The following SBNO1 variants were observed in gnomAD, a reference collection of about 807,000 sequenced individuals.
The protein encoded by SBNO1 is protein strawberry notch homolog 1.
A neutral mutation model predicts 173.6 loss-of-function variants in SBNO1; 23 were observed. That is an observed-to-expected ratio of 0.13 (90% CI 0.10 to 0.19). The LOEUF is 0.19. SBNO1 is among the 10% of genes least tolerant of loss of function. SBNO1 has a pLI of 1.00. For missense variants in SBNO1, 1,238 were observed against 1,671.2 expected (o/e 0.74, Z 4.52); for synonymous variants, 632 against 571.5 (o/e 1.11, Z -1.51).
intron 25 of SBNO1, 105 bp from the exon 26 acceptor site, chr12:123,309,961 C>T (rs1417480696): frequency 1.2e-6 from 1 of 865,308 alleles, no homozygotes; most frequent in Non-Finnish European, 1.8e-6. Context: ...AGTCTTCCTT[C>T]TTAACTCTTA....
At position 123,348,095 on chromosome 12, in the gene SBNO1, G is replaced by A. The variant is rs139371153; in HGVS notation, c.171C>T (p.Thr57=). The change falls in exon 3 of 32, where the codon ACC becomes ACT. Residue 57 remains threonine, a synonymous_variant. Transcript: ENST00000602398. The part of the protein sequence containing the change: ...PLSALELGLE[T]EAAVPVKQEP... ...CTTGTTTAACAGGAACTGCTGCTTC[G>A]GTCTCCAAACCTAGTTCTAATGCAC... 9.3e-6 allele frequency: 15 copies of A among 1,611,490 alleles called. No individual in the cohort carries two copies. Among genetic ancestry groups the A allele is most frequent in the East Asian group, 4.5e-5 (2 of 44,816 alleles).
intron 1 of SBNO1, among the ~76,000 whole-genome samples, chr12:123,355,243 T>C (rs1177584105): frequency 6.6e-6 from 1 of 152,052 alleles, no homozygotes; most frequent in Non-Finnish European, 1.5e-5. Flanking sequence ...ATGGTCTCGA[T>C]CTACTGACCT....
chr12:123,311,716 C>CTATATATATATA (rs1168115569), intron 24 of SBNO1, among the ~76,000 whole-genome samples: 14 of 60,948 alleles, frequency 2.3e-4, no homozygotes, highest in African/African-American at 7.7e-4. Context: ...ATCTATCTAT[C>CTATATATATATA]TATCTATATA....
chr12:123,312,646 G>A (rs908751824), intron 24 of SBNO1, among the ~76,000 whole-genome samples: 1 of 151,700 alleles, frequency 6.6e-6, no homozygotes, highest in Non-Finnish European at 1.5e-5. Flanking sequence ...TGGTGGCGGA[G>A]GTTGCACTGA....
chr12:123,298,119 G>T lies in SBNO1; in HGVS notation c.3898C>A (p.Arg1300Ser). 2 of 1,611,114 alleles carry T rather than the reference G, an allele frequency of 1.2e-6. No individual in the cohort carries two copies. Among genetic ancestry groups the T allele is most frequent in the Non-Finnish European group, 1.7e-6 (2 of 1,179,328 alleles). The change falls in exon 31 of 32, where the codon CGT (arginine) becomes AGT (serine). Residue 1300 changes from arginine to serine, a missense_variant. Around this residue, in one of 14 missense-constraint regions of SBNO1, gnomAD observed 351 missense variants for 420.3 expected, o/e 0.84. Transcript: ENST00000602398. Reference protein sequence around the residue: ...SLGLVCEIGLRCRTYYVLCGS... With the variant: ...SLGLVCEIGLSCRTYYVLCGS... ...CATAATACATAATATGTACGGCAAC[G>T]AAGACCTATTTCACAAACTAGCCCC...
chr12:123,309,904 T>A, intron 25 of SBNO1, 48 bp from the exon 26 acceptor site: 1 of 1,438,200 alleles, frequency 7.0e-7, no homozygotes, highest in Non-Finnish European at 9.5e-7. Context: ...TAATTAAAAA[T>A]TTTTTATTCA....
At chr12:123,321,808 T>A (rs1408336500) in intron 16 of SBNO1, 76 bp from the exon 17 acceptor site, 3 of 1,189,418 alleles carry the variant, frequency 2.5e-6, no homozygotes, top group African/African-American at 3.0e-5. Flanking sequence ...ATTTAGTTCA[T>A]GAATTAATTC....
At position 123,315,354 on chromosome 12, in the gene SBNO1, A is replaced by C. The variant is rs769579559; in HGVS notation, c.3120+19T>G. On this transcript the variant is annotated intron_variant, in intron 23 of 31. Coordinates refer to ENST00000602398, the MANE Select transcript of SBNO1 (RefSeq NM_001167856.3). ...TACACTATCACAAGTTTTCAGAGAT[A>C]CTGAAAATTGAAATGTACCTTATTA... 6.4e-7 allele frequency: 1 copy of C among 1,571,346 alleles called. No homozygotes were observed. The highest frequency in any genetic ancestry group is 1.7e-5 in the Admixed American group (1 of 59,916).
chr12:123,313,519 G>A (rs968010988), intron 24 of SBNO1, 101 bp downstream of exon 24: 5 of 626,290 alleles, frequency 8.0e-6, no homozygotes, highest in Non-Finnish European at 1.4e-5. Flanking sequence ...TACAATTTAT[G>A]TCCAAAGAAA....
At position 123,345,429 on chromosome 12, in the gene SBNO1, T is replaced by A. The variant is rs1481476247; in HGVS notation, c.379A>T (p.Thr127Ser). The change falls in exon 4 of 32, where the codon ACT becomes TCT. Residue 127 changes from threonine to serine, a missense_variant. By Grantham distance (58) the Thr-to-Ser change is moderately conservative. Around this residue, in one of 14 missense-constraint regions of SBNO1, gnomAD observed 287 missense variants for 274.1 expected, o/e 1.05. Transcript: ENST00000602398. ...GAGACTGACGGGCGTGTGCTTGCAGTAGTCTGGATAAACTTAGTTAAAGTG... is the reference window on the plus strand; with the variant it reads ...GAGACTGACGGGCGTGTGCTTGCAGAAGTCTGGATAAACTTAGTTAAAGTG... ...TITLTKFIQTTASTRPSVSAP... is the reference protein window; with the variant it reads ...TITLTKFIQTSASTRPSVSAP... 1 of 1,614,102 alleles carries A rather than the reference T, an allele frequency of 6.2e-7. No homozygotes were observed. Among genetic ancestry groups the A allele is most frequent in the Non-Finnish European group, 8.5e-7 (1 of 1,180,062 alleles).
In SBNO1 at chr12:123,323,348, ATTTTCTTTTTTCT is replaced by A. The variant is rs1449793482; in HGVS notation, c.2125+319_2125+331del. On this transcript the variant is annotated intron_variant, in intron 16 of 31. Coordinates refer to ENST00000602398, the MANE Select transcript of SBNO1 (RefSeq NM_001167856.3). Reference sequence around the variant, plus strand: ...TTCAACAGTATTTTCAACGTCAACTATTTTCTTTTTTCTTTTTCTTTTTTGAGACAGAGTCTCG... The same window carrying A: ...TTCAACAGTATTTTCAACGTCAACTATTTTCTTTTTTGAGACAGAGTCTCG... Among the ~76,000 whole-genome samples, 15 of 151,916 alleles carry A rather than the reference ATTTTCTTTTTTCT, an allele frequency of 9.9e-5. No individual in the cohort carries two copies. The South Asian group carries it at 1.9e-3, about 19-fold the overall frequency.
intron 30 of SBNO1, 31 bp from the exon 31 acceptor site, chr12:123,298,202 G>A: frequency 6.3e-7 from 1 of 1,586,302 alleles, no homozygotes; most frequent in Non-Finnish European, 8.6e-7. Context: ...ATACATATGA[G>A]TGTCTATATA....
In SBNO1 at chr12:123,328,754, C is replaced by T. The variant is rs150793785; in HGVS notation, c.1276G>A (p.Gly426Ser). The change falls in exon 10 of 32, where the codon GGT (glycine) becomes AGT (serine). Residue 426 changes from glycine to serine, a missense_variant. By Grantham distance (56) the Gly-to-Ser change is moderately conservative. Around this residue, in one of 14 missense-constraint regions of SBNO1, gnomAD observed 182 missense variants for 339.9 expected, o/e 0.54. Coordinates refer to ENST00000602398, the MANE Select transcript of SBNO1 (RefSeq NM_001167856.3). Reference protein sequence around the residue: ...TRLKQLLHWCGDDFDGVIVFD... With the variant: ...TRLKQLLHWCSDDFDGVIVFD... Reference sequence around the variant, plus strand: ...GATACCACTCCATCGAAGTCATCACCGCACCAATGCAGAAGTTGTTTTAAC... The same window carrying T: ...GATACCACTCCATCGAAGTCATCACTGCACCAATGCAGAAGTTGTTTTAAC... 22 of 1,583,946 alleles carry T rather than the reference C, an allele frequency of 1.4e-5. No individual in the cohort carries two copies. The East Asian group carries it at 3.2e-4, about 23-fold the overall frequency.
At position 123,313,696 on chromosome 12, in the gene SBNO1, A is replaced by G; in HGVS notation, c.3144T>C (p.Ile1048=). The part of the protein sequence containing the change: ...DNKYGRNALE[I]VMKSIVNLDS... ...CCAAGTTTACAATGGATTTCATGAC[A>G]ATTTCTAAAGCATTTCTTCCATACT... Residue 1048 remains isoleucine, a synonymous_variant, in exon 24 of 32, where the codon ATT becomes ATC. Transcript: ENST00000602398. 1 of 1,608,566 alleles carries G rather than the reference A, an allele frequency of 6.2e-7. No individual in the cohort carries two copies. The highest frequency in any genetic ancestry group is 8.5e-7 in the Non-Finnish European group (1 of 1,175,702).
intron 30 of SBNO1, among the ~76,000 whole-genome samples, chr12:123,301,224 T>A (rs1593322922): frequency 6.6e-6 from 1 of 152,104 alleles, no homozygotes; most frequent in South Asian, 2.1e-4. Flanking sequence ...GCCAGGCTGG[T>A]CTTGAATTCC....
chr12:123,324,172 C>T (rs1304722524), intron 15 of SBNO1, among the ~76,000 whole-genome samples: 3 of 152,132 alleles, frequency 2.0e-5, no homozygotes, highest in East Asian at 1.9e-4. Context: ...TGAAACCTGG[C>T]TCAGTACACA....
intron 8 of SBNO1, 54 bp downstream of exon 8, chr12:123,331,188 T>C (rs1363892741): frequency 2.5e-6 from 4 of 1,584,278 alleles, no homozygotes; most frequent in Non-Finnish European, 3.5e-6. Flanking sequence ...GGTCTCGATC[T>C]CCTAACCTCG....
chr12:123,348,015 T>C lies in SBNO1; in HGVS notation c.237+14A>G, dbSNP rs751401099. 1.3e-6 allele frequency: 2 copies of C among 1,497,300 alleles called. No homozygotes were observed. The highest frequency in any genetic ancestry group is 2.8e-5 in the African/African-American group (2 of 72,452). 92.8% of individuals were successfully genotyped at this position (1,497,300 alleles called of 1,614,324 possible). The stretch of plus-strand genomic sequence containing the variant: ...ACTATTTTAGAAGTAACGACGAATC[T>C]AAATCATTCTTACCCTCACATTTAA... On this transcript the variant is annotated intron_variant, in intron 3 of 31. Transcript: ENST00000602398.
chr12:123,321,669 G>T lies in SBNO1; in HGVS notation c.2189C>A (p.Ser730Tyr). The part of the protein sequence containing the change: ...RKVGGLTGSS[S>Y]DDSGSESDAS... ...ATCAGATTCACTTCCACTGTCGTCA[G>T]AACTGCTACCAGTAAGGCCACCTAC... Residue 730 changes from serine (S) to tyrosine (Y), a missense_variant, in exon 17 of 32, where the codon TCT becomes TAT. Ser to Tyr is a moderately radical substitution (Grantham distance 144). This residue lies in a region of SBNO1 where 81 missense variants were observed against 82.6 expected (regional missense o/e 0.98). Coordinates refer to ENST00000602398, the MANE Select transcript of SBNO1 (RefSeq NM_001167856.3). 6.2e-7 allele frequency: 1 copy of T among 1,614,008 alleles called. No homozygotes were observed. Among genetic ancestry groups the T allele is most frequent in the Non-Finnish European group, 8.5e-7 (1 of 1,179,976 alleles).
Sources: gnomAD v4.1 joint callset for allele counts (sites outside exome capture counted in the v4.1 genomes callset) on GRCh38, gnomAD v4.1.1 for gene constraint, gnomAD v4.1.1 regional missense constraint, MANE v1.5 for transcripts, NCBI Gene and HGNC (gene_info 2026-07-23, HGNC 2026-07-21) for gene names.